Variants in GPHN observed in about 807,000 individuals in gnomAD.
GPHN encodes gephyrin.
Under a neutral mutation model 95.5 loss-of-function variants are expected in GPHN, and 17 were observed. That is an observed-to-expected ratio of 0.18 (90% confidence interval 0.12 to 0.27). The LOEUF is 0.27. Ranked by LOEUF, GPHN falls within the 10% of genes least tolerant of loss-of-function variation. GPHN has a pLI of 1.00. For synonymous variants in GPHN, 320 were observed against 322.5 expected, an observed-to-expected ratio of 0.99 and a Z score of 0.08; for missense variants, 660 against 978.1, an observed-to-expected ratio of 0.67 and a Z score of 4.34.
At chr14:66,869,769 T>C (rs534411295) in intron 4 of GPHN, among the ~76,000 whole-genome samples, 1 of 152,346 alleles carries the variant, frequency 6.6e-6, no homozygotes, top group African/African-American at 2.4e-5. Context: ...TGCTAAGTGA[T>C]TTATCATTTA....
At chr14:67,205,993 G>C in the GPHN span, among the ~76,000 whole-genome samples, 1 of 152,090 alleles carries the variant, frequency 6.6e-6, no homozygotes, top group African/African-American at 2.4e-5. Flanking sequence ...AGACCAGCCT[G>C]GGAAACATGG....
the GPHN span, chr14:67,303,573 A>T: frequency 6.2e-7 from 1 of 1,613,766 alleles, no homozygotes; most frequent in Non-Finnish European, 8.5e-7. Flanking sequence ...TCAACAGATC[A>T]AGCCGCCTCC....
At chr14:66,770,584 A>G (rs1269501369) in intron 2 of GPHN, among the ~76,000 whole-genome samples, 1 of 152,184 alleles carries the variant, frequency 6.6e-6, no homozygotes, top group Non-Finnish European at 1.5e-5. Flanking sequence ...TACACATATC[A>G]CAGCTTTTTA....
chr14:66,582,894 A>G (rs998019148), intron 1 of GPHN, among the ~76,000 whole-genome samples: 2 of 152,200 alleles, frequency 1.3e-5, no homozygotes, highest in African/African-American at 4.8e-5. Flanking sequence ...CTTTGGGTAT[A>G]TACCCAGTAA....
At chr14:67,180,700 GA>G in intron 22 of GPHN, 103 bp from the exon 23 acceptor site, 1 of 1,120,586 alleles carries the variant, frequency 8.9e-7, no homozygotes, top group South Asian at 1.3e-5. Context: ...TTCTCCTCTT[GA>G]AGACCCGCAT....
At chr14:66,679,025 AC>A (rs931163841) in intron 1 of GPHN, among the ~76,000 whole-genome samples, 6 of 152,190 alleles carry the variant, frequency 3.9e-5, no homozygotes, top group African/African-American at 1.4e-4. Context: ...GATTGGAGGC[AC>A]ATGGTGGCCT....
intron 18 of GPHN, among the ~76,000 whole-genome samples, chr14:67,147,941 A>AT (rs1465376715): frequency 1.3e-5 from 2 of 152,146 alleles, no homozygotes; most frequent in East Asian, 1.9e-4. Context: ...CAAACCTGGG[A>AT]TTTTCTAGAG....
chr14:67,332,662 G>T, the GPHN span: 1 of 1,018,234 alleles, frequency 9.8e-7, no homozygotes. Flanking sequence ...TCCTGAGGTT[G>T]GGAGAGACAG....
intron 21 of GPHN, among the ~76,000 whole-genome samples, chr14:67,176,790 C>G (rs2082987233): frequency 6.6e-6 from 1 of 152,126 alleles, no homozygotes; most frequent in African/African-American, 2.4e-5. Context: ...CGACTTCTTC[C>G]TGGTTTAGTC....
chr14:67,283,017 ATTG>A, the GPHN span, among the ~76,000 whole-genome samples: 4 of 152,124 alleles, frequency 2.6e-5, no homozygotes, highest in South Asian at 4.1e-4. Context: ...TGACTATAAA[ATTG>A]TTGTCTTTGA....
the GPHN span, chr14:67,690,736 C>T: frequency 2.5e-6 from 1 of 398,850 alleles, no homozygotes; most frequent in Non-Finnish European, 4.6e-6. Flanking sequence ...GTAATCTCAG[C>T]ACTTAAAGAG....
chr14:67,701,024 CAAAAAAAAA>C, the GPHN span, among the ~76,000 whole-genome samples: 1 of 67,422 alleles, frequency 1.5e-5, no homozygotes, highest in African/African-American at 5.5e-5. Flanking sequence ...AATTTCATCT[CAAAAAAAAA>C]AAAAAAAAAA....
chr14:67,315,253 G>A, the GPHN span, among the ~76,000 whole-genome samples: 15 of 149,364 alleles, frequency 1.0e-4, no homozygotes, highest in South Asian at 2.1e-4. Context: ...TTTAAAAATC[G>A]GTTACTTATT....
chr14:67,651,543 TTGGGGTTAGACC>T, the GPHN span: 4 of 1,582,242 alleles, frequency 2.5e-6, no homozygotes, highest in Non-Finnish European at 3.4e-6. Flanking sequence ...TCTAAACATT[TTGGGGTTAGACC>T]TGGGACCACG....
intron 9 of GPHN, among the ~76,000 whole-genome samples, 174 bp downstream of exon 9, chr14:66,965,499 A>C (rs752737703): frequency 2.6e-5 from 4 of 152,206 alleles, no homozygotes; most frequent in Non-Finnish European, 5.9e-5. Flanking sequence ...ATATTAGGCC[A>C]CTAGTAGGAC....
intron 8 of GPHN, among the ~76,000 whole-genome samples, chr14:66,951,257 C>T (rs1356075617): frequency 6.6e-6 from 1 of 152,026 alleles, no homozygotes; most frequent in African/African-American, 2.4e-5. Flanking sequence ...CAGTGGCTAA[C>T]ACCTGTAAAC....
the GPHN span, among the ~76,000 whole-genome samples, chr14:67,226,052 TG>T: frequency 8.5e-5 from 13 of 152,052 alleles, no homozygotes; most frequent in Non-Finnish European, 1.5e-4. Flanking sequence ...ACGGGTGGCC[TG>T]GGCAGTAACC....
intron 1 of GPHN, among the ~76,000 whole-genome samples, chr14:66,572,068 A>G (rs2060715712): frequency 6.6e-6 from 1 of 152,124 alleles, no homozygotes; most frequent in Non-Finnish European, 1.5e-5. Flanking sequence ...CTTTGTCAAA[A>G]ATCGGTTGAC....
At chr14:67,499,229 C>T in the GPHN span, among the ~76,000 whole-genome samples, 20 of 152,178 alleles carry the variant, frequency 1.3e-4, no homozygotes, top group African/African-American at 3.9e-4. Context: ...GTCTCAAACT[C>T]CTGGCCTCAA....
Sources: gnomAD v4.1 joint callset for allele counts (sites outside exome capture counted in the v4.1 genomes callset) on GRCh38, gnomAD v4.1.1 for gene constraint, MANE v1.5 for transcripts, NCBI Gene and HGNC (gene_info 2026-07-23, HGNC 2026-07-21) for gene names.